TRAPPC9: variants seen among roughly 807,000 people sequenced by gnomAD.
TRAPPC9 encodes trafficking protein particle complex subunit 9.
Under a neutral mutation model 124.0 loss-of-function variants are expected in TRAPPC9, and 83 were observed. The observed-to-expected ratio is 0.67, with a 90% CI of 0.56 to 0.80. The LOEUF (loss-of-function observed/expected upper bound fraction) is 0.80. Ranked by LOEUF, TRAPPC9 falls within the 30% of genes least tolerant of loss-of-function variation. The pLI is 0.00. For missense variants in TRAPPC9, 1,302 were observed against 1,508.3 expected (o/e 0.86, Z 2.27); for synonymous variants, 638 against 617.5 (o/e 1.03, Z -0.49).
intron 21 of TRAPPC9, among the ~76,000 whole-genome samples, chr8:139,849,665 T>G (rs1223784715): frequency 6.6e-6 from 1 of 152,266 alleles, no homozygotes; most frequent in Non-Finnish European, 1.5e-5. Context: ...AACACCATCA[T>G]GAGTGTGAAC....
intron 17 of TRAPPC9, among the ~76,000 whole-genome samples, chr8:140,093,796 G>A (rs1276148388): frequency 1.3e-5 from 2 of 152,174 alleles, no homozygotes; most frequent in Non-Finnish European, 2.9e-5. Context: ...AAAGGTGCCT[G>A]CTTGAGGTCA....
At chr8:139,750,044 T>C (rs898496509) in intron 21 of TRAPPC9, among the ~76,000 whole-genome samples, 4 of 151,284 alleles carry the variant, frequency 2.6e-5, no homozygotes, top group African/African-American at 9.7e-5. Flanking sequence ...GGGTGAGGAG[T>C]GTCCCCCACC....
intron 20 of TRAPPC9, among the ~76,000 whole-genome samples, chr8:139,894,669 C>T (rs972589187): frequency 1.3e-5 from 2 of 152,210 alleles, no homozygotes; most frequent in East Asian, 1.9e-4. Flanking sequence ...TGACCAGACC[C>T]CTGTGAGCCA....
intron 18 of TRAPPC9, among the ~76,000 whole-genome samples, chr8:140,018,392 T>C (rs916613446): frequency 2.0e-5 from 3 of 148,562 alleles, no homozygotes; most frequent in Non-Finnish European, 4.5e-5. Flanking sequence ...GGTGTGATCT[T>C]GGCTCACTGC....
At chr8:140,033,883 C>T (rs1425005459) in intron 17 of TRAPPC9, among the ~76,000 whole-genome samples, 4 of 151,862 alleles carry the variant, frequency 2.6e-5, no homozygotes, top group South Asian at 2.1e-4. Context: ...GGTTTCACCA[C>T]GTTGGTCAGG....
At chr8:140,352,276 T>A (rs2067608585) in intron 9 of TRAPPC9, among the ~76,000 whole-genome samples, 1 of 152,220 alleles carries the variant, frequency 6.6e-6, no homozygotes, top group South Asian at 2.1e-4. Context: ...GGCACATGAG[T>A]TAGCTCTCAA....
intron 17 of TRAPPC9, among the ~76,000 whole-genome samples, chr8:140,090,028 C>T (rs1412050729): frequency 6.6e-6 from 1 of 151,958 alleles, no homozygotes; most frequent in Non-Finnish European, 1.5e-5. Flanking sequence ...TGCAGTGAGC[C>T]GAGTTCACAC....
intron 21 of TRAPPC9, among the ~76,000 whole-genome samples, chr8:139,862,872 C>A (rs1828259580): frequency 6.6e-6 from 1 of 152,238 alleles, no homozygotes; most frequent in African/African-American, 2.4e-5. Context: ...CAGCCTAGGT[C>A]ATTGTACAGA....
At chr8:140,014,849 T>C (rs1386062235) in intron 18 of TRAPPC9, among the ~76,000 whole-genome samples, 2 of 152,078 alleles carry the variant, frequency 1.3e-5, no homozygotes, top group African/African-American at 4.8e-5. Flanking sequence ...GGAGTGTGCA[T>C]GGGATGCCCG....
chr8:139,967,910 G>A (rs931178913), intron 19 of TRAPPC9, among the ~76,000 whole-genome samples: 8 of 152,222 alleles, frequency 5.3e-5, no homozygotes, highest in East Asian at 1.9e-4. Context: ...AGGCCGAGGC[G>A]GGCGGACTGC....
In TRAPPC9 at chr8:139,865,978, C is replaced by G. The variant is rs200011712; in HGVS notation, c.3055+19901G>C. Among the ~76,000 whole-genome samples the G allele has an allele frequency of 3.3e-4, 50 of 151,696 alleles. 1 individual carries two copies. In the East Asian group the frequency reaches 8.3e-3, roughly 25 times the overall value. ...AATACATTTAAGAAATACATCGGTT[C>G]GGTCCAAAAAGGCATGACAATTCCA... On this transcript the variant is annotated intron_variant, in intron 21 of 22. Transcript: ENST00000438773.
chr8:140,293,563 T>C (rs1031079513), intron 11 of TRAPPC9, among the ~76,000 whole-genome samples: 1 of 152,114 alleles, frequency 6.6e-6, no homozygotes, highest in Non-Finnish European at 1.5e-5. Context: ...ATGTCCTTTG[T>C]AGGGACATGG....
chr8:140,157,437 AGAAGGGAGGG>A (rs1309853779), intron 17 of TRAPPC9, among the ~76,000 whole-genome samples: 1 of 152,044 alleles, frequency 6.6e-6, no homozygotes, highest in Non-Finnish European at 1.5e-5. Flanking sequence ...GGGAGGGAGG[AGAAGGGAGGG>A]AGGAACCAAT....
At chr8:139,823,958 G>GA (rs1202290107) in intron 21 of TRAPPC9, among the ~76,000 whole-genome samples, 1 of 152,168 alleles carries the variant, frequency 6.6e-6, no homozygotes, top group Non-Finnish European at 1.5e-5. Context: ...TGACTGCTGA[G>GA]AATTTGTTAG....
chr8:139,736,080 G>A (rs1225466707), intron 21 of TRAPPC9, among the ~76,000 whole-genome samples: 2 of 152,230 alleles, frequency 1.3e-5, no homozygotes, highest in Middle Eastern at 3.2e-3. Context: ...AAACTGGGAT[G>A]ATGATCTTGA....
intron 19 of TRAPPC9, among the ~76,000 whole-genome samples, chr8:139,970,871 G>T (rs1338372452): frequency 6.6e-6 from 1 of 151,926 alleles, no homozygotes; most frequent in Non-Finnish European, 1.5e-5. Context: ...AAGGGATGGG[G>T]GCCACGTGGC....
chr8:140,093,134 T>A (rs939280506), intron 17 of TRAPPC9, among the ~76,000 whole-genome samples: 1 of 152,080 alleles, frequency 6.6e-6, no homozygotes, highest in Non-Finnish European at 1.5e-5. Context: ...TTGGAAGACC[T>A]CCAAAATCTG....
chr8:140,017,275 G>A (rs943276728), intron 18 of TRAPPC9, among the ~76,000 whole-genome samples: 7 of 151,988 alleles, frequency 4.6e-5, no homozygotes, highest in African/African-American at 7.2e-5. Flanking sequence ...AGCAGTTTCC[G>A]GCCCCATCTA....
chr8:140,090,029 G>A (rs895006071), intron 17 of TRAPPC9, among the ~76,000 whole-genome samples: 11 of 152,110 alleles, frequency 7.2e-5, no homozygotes, highest in African/African-American at 2.2e-4. Context: ...GCAGTGAGCC[G>A]AGTTCACACC....
Sources: allele counts gnomAD v4.1 joint callset (sites outside exome capture counted in the v4.1 genomes callset), GRCh38; gene constraint gnomAD v4.1.1; transcripts MANE v1.5; gene names NCBI Gene and HGNC (gene_info 2026-07-23, HGNC 2026-07-21).